Variants in TNFSF4 observed in about 807,000 individuals in gnomAD.
TNFSF4 encodes the protein TNF superfamily member 4.
Under a neutral mutation model 7.3 loss-of-function variants are expected in TNFSF4, and 4 were observed. The ratio of observed to expected loss-of-function variants is 0.55; its 90% CI spans 0.27 to 1.25. TNFSF4 has a LOEUF of 1.25. TNFSF4 is among the 50% of genes most tolerant of loss of function. The pLI is 0.12. For synonymous variants in TNFSF4, 76 were observed against 83.7 expected, an observed-to-expected ratio of 0.91 and a Z score of 0.50; for missense variants, 181 against 208.8, an observed-to-expected ratio of 0.87 and a Z score of 0.82.
intron 1 of TNFSF4, among the ~76,000 whole-genome samples, chr1:173,192,549 G>A (rs989848196): frequency 4.6e-5 from 7 of 152,162 alleles, no homozygotes; most frequent in Admixed American, 4.6e-4. Context: ...TGGGTGCCAG[G>A]GGTTAGGAAT....
the TNFSF4 span, among the ~76,000 whole-genome samples, chr1:173,397,121 T>G: frequency 6.6e-6 from 1 of 152,200 alleles, no homozygotes; most frequent in Non-Finnish European, 1.5e-5. Context: ...ATCACGGTGT[T>G]CCTAGAAGTA....
At chr1:173,367,374 G>A in the TNFSF4 span, among the ~76,000 whole-genome samples, 4 of 152,232 alleles carry the variant, frequency 2.6e-5, no homozygotes, top group South Asian at 2.1e-4. Context: ...AGAGGATTCC[G>A]TTTTCTAGAA....
At chr1:173,335,134 CTGCT>C in the TNFSF4 span, among the ~76,000 whole-genome samples, 1 of 152,100 alleles carries the variant, frequency 6.6e-6, no homozygotes, top group East Asian at 1.9e-4. Context: ...CTGACTCTAA[CTGCT>C]TGCTTAGTTC....
the TNFSF4 span, among the ~76,000 whole-genome samples, chr1:173,343,870 G>A: frequency 6.6e-6 from 1 of 152,218 alleles, no homozygotes; most frequent in East Asian, 1.9e-4. Context: ...GAAGACACTA[G>A]CTGAAGCTAA....
chr1:173,272,557 A>G, the TNFSF4 span, among the ~76,000 whole-genome samples: 1 of 152,122 alleles, frequency 6.6e-6, no homozygotes, highest in Admixed American at 6.5e-5. Flanking sequence ...AGGAAGGAAC[A>G]GGAACATTGT....
At chr1:173,248,491 G>GGAAA in the TNFSF4 span, among the ~76,000 whole-genome samples, 2,027 of 136,158 alleles carry the variant, frequency 0.015, 37 homozygotes, top group African/African-American at 0.042. Context: ...AAGGAAGGAA[G>GGAAA]GAAAGAAAGA....
the TNFSF4 span, among the ~76,000 whole-genome samples, chr1:173,407,047 C>T: frequency 2.6e-5 from 4 of 152,178 alleles, no homozygotes; most frequent in African/African-American, 9.6e-5. Flanking sequence ...GTGACTGCCT[C>T]ACTCGGTGCA....
chr1:173,256,718 C>G, the TNFSF4 span, among the ~76,000 whole-genome samples: 2 of 152,196 alleles, frequency 1.3e-5, no homozygotes, highest in Non-Finnish European at 2.9e-5. Context: ...TCCTACTACT[C>G]TATCTTAGAA....
At chr1:173,178,139 T>C in the TNFSF4 span, among the ~76,000 whole-genome samples, 1 of 152,186 alleles carries the variant, frequency 6.6e-6, no homozygotes, top group African/African-American at 2.4e-5. Flanking sequence ...TTTTAAGCCT[T>C]ATTTTTGTAA....
chr1:173,422,635 G>C, the TNFSF4 span, among the ~76,000 whole-genome samples: 1 of 152,202 alleles, frequency 6.6e-6, no homozygotes, highest in African/African-American at 2.4e-5. Context: ...CTGAGGCTGA[G>C]AAGATGGCGC....
At chr1:173,399,229 C>T in the TNFSF4 span, among the ~76,000 whole-genome samples, 1 of 152,208 alleles carries the variant, frequency 6.6e-6, no homozygotes, top group Admixed American at 6.5e-5. Context: ...CTCTACTGCC[C>T]TCTGCCAACC....
the TNFSF4 span, among the ~76,000 whole-genome samples, chr1:173,308,281 C>CTGTGTGTGTGTGTGTG: frequency 1.4e-5 from 2 of 138,778 alleles, no homozygotes; most frequent in African/African-American, 2.7e-5. Context: ...CTCTCTCTCT[C>CTGTGTGTGTGTGTGTG]TCTCTGTGTG....
At chr1:173,302,672 A>G in the TNFSF4 span, among the ~76,000 whole-genome samples, 1 of 151,896 alleles carries the variant, frequency 6.6e-6, no homozygotes, top group Non-Finnish European at 1.5e-5. Flanking sequence ...CAAGATATCT[A>G]AAAAAAGATA....
upstream of TNFSF4, among the ~76,000 whole-genome samples, chr1:173,211,482 C>G (rs1650371328): frequency 6.6e-6 from 1 of 152,140 alleles, no homozygotes; most frequent in Admixed American, 6.5e-5. Context: ...AATCCAAACT[C>G]TTATTACTCC....
chr1:173,227,112 G>GT, the TNFSF4 span, among the ~76,000 whole-genome samples: 609 of 136,838 alleles, frequency 4.5e-3, 12 homozygotes, highest in South Asian at 0.052. Context: ...CTATTCTTTT[G>GT]TTTTTTTTTT....
intron 1 of TNFSF4, among the ~76,000 whole-genome samples, chr1:173,201,852 T>C (rs1649954367): frequency 6.6e-6 from 1 of 152,154 alleles, no homozygotes; most frequent in African/African-American, 2.4e-5. Context: ...TACCATGTAT[T>C]TCATTAGTGA....
chr1:173,390,131 A>G, the TNFSF4 span, among the ~76,000 whole-genome samples: 1 of 152,150 alleles, frequency 6.6e-6, no homozygotes, highest in Non-Finnish European at 1.5e-5. Context: ...GGACAATACA[A>G]ATATGAACCT....
the TNFSF4 span, among the ~76,000 whole-genome samples, chr1:173,362,234 GTTTTC>G: frequency 3.9e-5 from 6 of 152,112 alleles, no homozygotes; most frequent in Admixed American, 2.6e-4. Context: ...AAGTTTAAGT[GTTTTC>G]TTTTTTAAAA....
chr1:173,410,794 T>C, the TNFSF4 span, among the ~76,000 whole-genome samples: 2 of 152,204 alleles, frequency 1.3e-5, no homozygotes, highest in African/African-American at 2.4e-5. Context: ...ACCTTGGTGC[T>C]CCTTGGACTG....
Sources: allele counts gnomAD v4.1 joint callset (sites outside exome capture counted in the v4.1 genomes callset), GRCh38; gene constraint gnomAD v4.1.1; transcripts MANE v1.5; gene names NCBI Gene and HGNC (gene_info 2026-07-23, HGNC 2026-07-21).